CHSY3: variants seen among roughly 807,000 people sequenced by gnomAD.
CHSY3 encodes chondroitin sulfate synthase 3, also known as N-acetylgalactosaminyl-proteoglycan 3-beta-glucuronosyltransferase 3.
A neutral mutation model predicts 67.2 loss-of-function variants in CHSY3; 35 were observed. The observed-to-expected ratio is 0.52, with a 90% CI of 0.40 to 0.69. The LOEUF is 0.69. Ranked by LOEUF, CHSY3 falls within the 30% of genes least tolerant of loss-of-function variation. The pLI, the probability that CHSY3 is intolerant of heterozygous loss-of-function variation, is 0.00. For synonymous variants in CHSY3, 474 were observed against 434.7 expected (o/e 1.09, Z -1.12); for missense variants, 1,069 against 1,138.5 (o/e 0.94, Z 0.88).
At chr5:130,183,212 G>A (rs914649621) in intron 2 of CHSY3, among the ~76,000 whole-genome samples, 2 of 151,858 alleles carry the variant, frequency 1.3e-5, no homozygotes, top group Non-Finnish European at 2.9e-5. Context: ...AGAATCAGCT[G>A]GCGGTTTGAA....
At chr5:129,918,935 G>A (rs985095379) in intron 2 of CHSY3, among the ~76,000 whole-genome samples, 1 of 147,056 alleles carries the variant, frequency 6.8e-6, no homozygotes, top group Admixed American at 6.8e-5. Context: ...GTGAAACCCC[G>A]TCTCTACTAA....
chr5:130,016,348 A>G (rs1175220422), intron 2 of CHSY3, among the ~76,000 whole-genome samples: 2 of 152,336 alleles, frequency 1.3e-5, no homozygotes, highest in Middle Eastern at 3.4e-3. Context: ...GTAATATAAC[A>G]GGGCTGATGA....
intron 2 of CHSY3, among the ~76,000 whole-genome samples, chr5:130,148,127 A>T (rs553459776): frequency 6.6e-6 from 1 of 152,098 alleles, no homozygotes; most frequent in East Asian, 1.9e-4. Flanking sequence ...TCTTGCTCCC[A>T]CTTATAAGTG....
chr5:129,942,167 G>A (rs1323447316), intron 2 of CHSY3, among the ~76,000 whole-genome samples: 1 of 152,098 alleles, frequency 6.6e-6, no homozygotes, highest in Non-Finnish European at 1.5e-5. Flanking sequence ...TAGGTGAAAG[G>A]AGGGCAGGAG....
intron 2 of CHSY3, among the ~76,000 whole-genome samples, chr5:130,175,249 A>G (rs758181881): frequency 1.3e-5 from 2 of 152,206 alleles, no homozygotes; most frequent in East Asian, 3.9e-4. Flanking sequence ...GTGAACTACC[A>G]TTCACAATTG....
At chr5:130,160,607 C>A (rs1000362055) in intron 2 of CHSY3, among the ~76,000 whole-genome samples, 1 of 152,178 alleles carries the variant, frequency 6.6e-6, no homozygotes, top group African/African-American at 2.4e-5. Context: ...AATTTTGATT[C>A]TTTTATTCTC....
intron 2 of CHSY3, among the ~76,000 whole-genome samples, chr5:130,016,467 A>G (rs567892104): frequency 6.6e-6 from 1 of 152,338 alleles, no homozygotes; most frequent in African/African-American, 2.4e-5. Flanking sequence ...GCTGGAGTGC[A>G]GTGGCACGAT....
In CHSY3 at chr5:129,904,961, C is replaced by T. The variant is rs747865127; in HGVS notation, c.132C>T (p.Leu44=). 19 of 1,564,072 alleles carry T rather than the reference C, an allele frequency of 1.2e-5. No homozygotes were observed. In the East Asian group the frequency reaches 4.2e-4, roughly 35 times the overall value. Residue 44 remains leucine (L), a synonymous_variant, in exon 1 of 3, where the codon CTC becomes CTT. Transcript: ENST00000305031. ...LSERKRRGSS[L]CSYYGRSAAG... ...AGAGGAAGAGACGTGGCTCCAGCCT[C>T]TGCTCCTACTACGGTCGCTCTGCTG...
At chr5:129,963,029 C>T (rs978926124) in intron 2 of CHSY3, among the ~76,000 whole-genome samples, 3 of 151,800 alleles carry the variant, frequency 2.0e-5, no homozygotes, top group African/African-American at 4.8e-5. Context: ...AGGTAGATGC[C>T]AGGGTTTCAG....
chr5:130,131,956 T>C (rs1454432716), intron 2 of CHSY3, among the ~76,000 whole-genome samples: 2 of 151,358 alleles, frequency 1.3e-5, no homozygotes, highest in Non-Finnish European at 2.9e-5. Flanking sequence ...AGGTCTTACC[T>C]AAACTGTGAT....
intron 2 of CHSY3, among the ~76,000 whole-genome samples, chr5:130,063,696 C>T (rs1165786756): frequency 1.3e-5 from 2 of 152,080 alleles, no homozygotes; most frequent in Non-Finnish European, 2.9e-5. Flanking sequence ...TCTCACAGTT[C>T]TGGAGGTTGA....
At chr5:130,026,986 C>T (rs1189807455) in intron 2 of CHSY3, among the ~76,000 whole-genome samples, 1 of 152,090 alleles carries the variant, frequency 6.6e-6, no homozygotes, top group Non-Finnish European at 1.5e-5. Context: ...CTGTCTTTTC[C>T]TGTGTTTACA....
rs1453160500 is a variant in CHSY3, at chr5:130,178,826, A to G, written c.1087-5403A>G. Among the ~76,000 whole-genome samples, 3 of 152,152 alleles carry G rather than the reference A, an allele frequency of 2.0e-5. No individual in the cohort carries two copies. The East Asian group carries it at 5.8e-4, about 29-fold the overall frequency. ...ATTTGTTAACATTACTTTTTTGCTC[A>G]GAGAGGGTCAGTTGTCTGGCTGCAC... On this transcript the variant is annotated intron_variant, in intron 2 of 2. Coordinates refer to ENST00000305031, the MANE Select transcript of CHSY3 (RefSeq NM_175856.5).
At chr5:130,092,845 A>C (rs2149693912) in intron 2 of CHSY3, among the ~76,000 whole-genome samples, 1 of 152,310 alleles carries the variant, frequency 6.6e-6, no homozygotes, top group Non-Finnish European at 1.5e-5. Context: ...TGTGTAGGAA[A>C]ACAGGAATTA....
intron 2 of CHSY3, among the ~76,000 whole-genome samples, chr5:129,948,967 TTCCCACCCGGAGATTGCAAAGGTTTTC>T (rs1290286897): frequency 2.0e-5 from 3 of 152,308 alleles, no homozygotes; most frequent in South Asian, 2.1e-4. Flanking sequence ...CTAGTTTACA[TTCCCACCCGGAGATTGCAAAGGTTTTC>T]TCCCACTCTA....
chr5:130,004,845 T>C (rs1030345345), intron 2 of CHSY3, among the ~76,000 whole-genome samples: 5 of 152,184 alleles, frequency 3.3e-5, no homozygotes, highest in African/African-American at 9.6e-5. Context: ...CATTTATTTT[T>C]CTTCTCACCA....
chr5:129,973,467 T>C (rs1048874973), intron 2 of CHSY3, among the ~76,000 whole-genome samples: 1 of 152,166 alleles, frequency 6.6e-6, no homozygotes, highest in Non-Finnish European at 1.5e-5. Flanking sequence ...CTAATGGATA[T>C]AAAATGTTTC....
intron 2 of CHSY3, among the ~76,000 whole-genome samples, chr5:130,181,287 A>G (rs534693373): frequency 1.1e-4 from 17 of 152,368 alleles, no homozygotes; most frequent in Admixed American, 8.5e-4. Flanking sequence ...TATAATTTTT[A>G]AAATAAATTT....
chr5:130,083,132 A>C (rs1306918248), intron 2 of CHSY3, among the ~76,000 whole-genome samples: 6 of 152,058 alleles, frequency 3.9e-5, no homozygotes, highest in Non-Finnish European at 4.4e-5. Context: ...GAGAAGAAAC[A>C]TACTTTTCCA....
Sources: allele counts gnomAD v4.1 joint callset (sites outside exome capture counted in the v4.1 genomes callset), GRCh38; gene constraint gnomAD v4.1.1; transcripts MANE v1.5; gene names NCBI Gene and HGNC (gene_info 2026-07-23, HGNC 2026-07-21).